The following COL5A1 variants were observed in gnomAD, a reference collection of about 807,000 sequenced individuals.
COL5A1 encodes collagen alpha-1(V) chain.
COL5A1 carries 16 observed loss-of-function variants against 263.7 expected under a neutral mutation model. That is an observed-to-expected ratio of 0.06 (90% CI 0.04 to 0.09). The LOEUF is 0.09. Ranked by LOEUF, COL5A1 falls within the 10% of genes least tolerant of loss-of-function variation. The probability of loss-of-function intolerance (pLI) is 1.00; values close to 1 mark genes in which losing one functional copy is unlikely to be tolerated. For synonymous variants in COL5A1, 1,012 were observed against 1,004.5 expected (o/e 1.01, Z -0.14); for missense variants, 2,036 against 2,540.5 (o/e 0.80, Z 4.27).
At chr9:134,740,435 C>T (rs921276828) in intron 11 of COL5A1, among the ~76,000 whole-genome samples, 5 of 152,210 alleles carry the variant, frequency 3.3e-5, no homozygotes, top group East Asian at 1.9e-4. Context: ...TGGCTGGGTT[C>T]GTATGCAAAG....
At chr9:134,802,653 TGGGGGAAGAGGGCCACGC>T (rs1838155051) in intron 38 of COL5A1, among the ~76,000 whole-genome samples, 1 of 151,874 alleles carries the variant, frequency 6.6e-6, no homozygotes. Context: ...AGGCGCCAGG[TGGGGGAAGAGGGCCACGC>T]GGGGCCCAGC....
At chr9:134,828,699 T>C (rs915636236) in intron 63 of COL5A1, among the ~76,000 whole-genome samples, 4 of 2,374 alleles carry the variant, frequency 1.7e-3, no homozygotes, top group Non-Finnish European at 5.7e-3. Flanking sequence ...ACATACCACA[T>C]ACCACACATA....
chr9:134,750,088 G>A (rs948837243), intron 11 of COL5A1, among the ~76,000 whole-genome samples: 10 of 152,178 alleles, frequency 6.6e-5, no homozygotes, highest in South Asian at 2.1e-4. Context: ...CAGGCGGCTC[G>A]CTCGGAGCCC....
chr9:134,753,186 TG>T (rs930443672), intron 14 of COL5A1, among the ~76,000 whole-genome samples: 1 of 152,136 alleles, frequency 6.6e-6, no homozygotes, highest in Non-Finnish European at 1.5e-5. Flanking sequence ...TAACTAAGTG[TG>T]GGGCAGAACG....
intron 29 of COL5A1, among the ~76,000 whole-genome samples, chr9:134,784,768 T>C (rs752268722): frequency 3.3e-5 from 5 of 152,390 alleles, no homozygotes; most frequent in Middle Eastern, 3.4e-3. Flanking sequence ...AGAGACCAGC[T>C]TCCGCAGAGC....
At chr9:134,838,689 C>T (rs112853772) in intron 65 of COL5A1, among the ~76,000 whole-genome samples, 2,614 of 152,310 alleles carry the variant, frequency 0.017, 84 homozygotes, top group African/African-American at 0.059. Flanking sequence ...ACCCAGACTG[C>T]ACTCTGGGCA....
chr9:134,770,633 G>A lies in COL5A1; in HGVS notation c.2287-2157G>A, dbSNP rs1048327294. Among the ~76,000 whole-genome samples, 3 of 152,246 alleles carry A rather than the reference G, an allele frequency of 2.0e-5. No individual in the cohort carries two copies. The East Asian group carries it at 5.8e-4, about 29-fold the overall frequency. On this transcript the variant is annotated intron_variant, in intron 25 of 65. Coordinates refer to ENST00000371817, the MANE Select transcript of COL5A1 (RefSeq NM_000093.5). ...AGCCACAGCCACTCCGAGTGGTGAG[G>A]TGATGAAGGATTTTAATTCCTCTTC...
At chr9:134,767,534 G>A (rs558759172) in intron 24 of COL5A1, among the ~76,000 whole-genome samples, 180 bp downstream of exon 24, 6 of 152,344 alleles carry the variant, frequency 3.9e-5, no homozygotes, top group East Asian at 3.9e-4. Flanking sequence ...TTTTGGATCC[G>A]TGTCTCATTG....
chr9:134,814,557 C>G (rs2132853050), intron 49 of COL5A1, among the ~76,000 whole-genome samples: 1 of 152,314 alleles, frequency 6.6e-6, no homozygotes, highest in South Asian at 2.1e-4. Context: ...CCACCCAGAG[C>G]TGAATCTCAG....
intron 41 of COL5A1, among the ~76,000 whole-genome samples, chr9:134,805,802 C>A (rs1170132142): frequency 6.6e-6 from 1 of 151,568 alleles, no homozygotes. Flanking sequence ...CATGTGGGCC[C>A]TGGAGGAGAG....
Position 134,780,187 on chromosome 9 carries a change from C to T in COL5A1, c.2430+41C>T, listed in dbSNP as rs149516949. On this transcript the variant is annotated intron_variant, in intron 28 of 65. Coordinates refer to ENST00000371817, the MANE Select transcript of COL5A1 (RefSeq NM_000093.5). The stretch of plus-strand genomic sequence containing the variant: ...CAGCCACGGGGCCCCCTGCTTAGTC[C>T]GGAGCCGAATTCCAGCCAGCGGGGC... 1.0e-3 allele frequency: 1,650 copies of T among 1,602,936 alleles called. 15 individuals are homozygous for T. In the African/African-American group the frequency reaches 0.019, roughly 18 times the overall value.
chr9:134,823,103 G>T (rs990301420), intron 60 of COL5A1, 70 bp downstream of exon 60: 52 of 1,541,848 alleles, frequency 3.4e-5, no homozygotes, highest in Admixed American at 1.2e-4. Context: ...CCCTGGCACG[G>T]GAACAAACTA....
rs1564463574 is a variant in COL5A1 at position 134,794,835 on chromosome 9, G to A, written c.2701-247G>A. Among the ~76,000 whole-genome samples, 1 of 152,200 alleles carries A rather than the reference G, an allele frequency of 6.6e-6. No homozygotes were observed. Among genetic ancestry groups the A allele is most frequent in the Non-Finnish European group, 1.5e-5 (1 of 68,034 alleles). ...TAATAGTATAAACATCCATCAGACT[G>A]CAGGAGGAAAATTGGATTTCAGCAG... On this transcript the variant is annotated intron_variant, in intron 32 of 65. Transcript: ENST00000371817. This position sits in a 1 kb window ranked among gnomAD's most constrained non-coding sequence, Gnocchi z 4.3.
intron 20 of COL5A1, among the ~76,000 whole-genome samples, chr9:134,764,529 T>G (rs1329914897): frequency 6.6e-6 from 1 of 152,120 alleles, no homozygotes; most frequent in Admixed American, 6.5e-5. Flanking sequence ...GGGAAAGCTC[T>G]TCCCTAAGCA....
rs192568768 is a variant in COL5A1, at chr9:134,839,393, G to T, written c.5371-2764G>T. Among the ~76,000 whole-genome samples, 3 of 152,296 alleles carry T rather than the reference G, an allele frequency of 2.0e-5. No homozygotes were observed. The East Asian group carries it at 5.8e-4, about 29-fold the overall frequency. ...GCACTCTGATAATTGGAGCAGAGGG[G>T]TCCCATAAATCCCATGAAATCACCC... On this transcript the variant is annotated intron_variant, in intron 65 of 65. Coordinates refer to ENST00000371817, the MANE Select transcript of COL5A1 (RefSeq NM_000093.5).
chr9:134,713,318 A>G (rs913829522), intron 4 of COL5A1, among the ~76,000 whole-genome samples: 33 of 152,236 alleles, frequency 2.2e-4, no homozygotes, highest in Admixed American at 8.5e-4. Context: ...CATGTGGAGC[A>G]GCCTGGCTCC....
At chr9:134,793,853 G>A (rs1036397686) in intron 32 of COL5A1, among the ~76,000 whole-genome samples, 18 of 152,318 alleles carry the variant, frequency 1.2e-4, no homozygotes, top group African/African-American at 4.1e-4. Context: ...GAACCGGAGC[G>A]CATTGTTAAA....
intron 11 of COL5A1, among the ~76,000 whole-genome samples, chr9:134,746,454 C>G (rs903312324): frequency 1.3e-5 from 2 of 152,244 alleles, no homozygotes; most frequent in African/African-American, 4.8e-5. Context: ...CCTTGTGCCT[C>G]TCCCCTGAGG....
chr9:134,816,310 A>G (rs1161594419), intron 52 of COL5A1, among the ~76,000 whole-genome samples: 2 of 152,188 alleles, frequency 1.3e-5, no homozygotes, highest in East Asian at 3.9e-4. Context: ...TCTGCCTAGC[A>G]GGGCCAGTGC....
Sources: gnomAD v4.1 joint callset for allele counts (sites outside exome capture counted in the v4.1 genomes callset) on GRCh38, gnomAD v4.1.1 for gene constraint, Gnocchi (gnomAD v3.1) non-coding constraint, MANE v1.5 for transcripts, NCBI Gene and HGNC (gene_info 2026-07-23, HGNC 2026-07-21) for gene names.